Variants in SULF2 observed in about 807,000 individuals in gnomAD.
SULF2 encodes the protein extracellular sulfatase Sulf-2.
In SULF2, 52 loss-of-function variants were observed where a neutral mutation model predicts 107.7. The observed-to-expected ratio is 0.48, with a 90% CI of 0.39 to 0.61. SULF2 has a LOEUF of 0.61. Ranked by LOEUF, SULF2 falls within the 20% of genes least tolerant of loss-of-function variation. The pLI, the probability that SULF2 is intolerant of heterozygous loss-of-function variation, is 0.00. For synonymous variants in SULF2, 460 were observed against 464.3 expected (o/e 0.99, Z 0.12); for missense variants, 993 against 1,177.3 (o/e 0.84, Z 2.29).
intron 1 of SULF2, among the ~76,000 whole-genome samples, chr20:47,775,648 T>C (rs1396143631): frequency 1.3e-5 from 2 of 152,224 alleles, no homozygotes; most frequent in African/African-American, 2.4e-5. Flanking sequence ...CATTCATTCA[T>C]TCCTTTAGTC....
intron 1 of SULF2, among the ~76,000 whole-genome samples, chr20:47,771,457 A>G (rs1265988168): frequency 1.3e-5 from 2 of 152,196 alleles, no homozygotes; most frequent in Non-Finnish European, 2.9e-5. Context: ...TTTAAGTAGA[A>G]AGGAAGCCAC....
rs1235843634 is a variant in SULF2, at chr20:47,678,190, C to T, written c.1193+486G>A. Reference sequence around the variant, plus strand: ...GTTATGGGGCGTGGTGAGTCAGCATCTGAATTCCCAGAGCTACATCCAGAC... The same window carrying T: ...GTTATGGGGCGTGGTGAGTCAGCATTTGAATTCCCAGAGCTACATCCAGAC... On this transcript the variant is annotated intron_variant, in intron 8 of 20. Transcript: ENST00000688720. This position sits in a 1 kb window ranked among gnomAD's most constrained non-coding sequence, Gnocchi z 4.5. 6.4e-6 allele frequency: 1 copy of T among 155,372 alleles called. No individual in the cohort carries two copies. The highest frequency in any genetic ancestry group is 2.4e-5 in the African/African-American group (1 of 41,522). 9.6% of individuals were successfully genotyped at this position (155,372 alleles called of 1,614,324 possible).
At chr20:47,744,601 C>A (rs2089963928) in intron 2 of SULF2, among the ~76,000 whole-genome samples, 1 of 152,002 alleles carries the variant, frequency 6.6e-6, no homozygotes, top group Admixed American at 6.5e-5. Flanking sequence ...CTATAGATGA[C>A]CGAAAAATCT....
chr20:47,660,272 T>C (rs945283857), intron 18 of SULF2, among the ~76,000 whole-genome samples: 7 of 152,230 alleles, frequency 4.6e-5, no homozygotes, highest in African/African-American at 1.7e-4. Flanking sequence ...GACTAATATG[T>C]CATTGCACTT....
At position 47,666,286 on chromosome 20, in the gene SULF2, G is replaced by A. The variant is rs753597018; in HGVS notation, c.1779C>T (p.Ala593=). ...GATGTGTCACTTTAATGGGGTTGGC[G>A]GCTGAGTAGTCGGGAAGGCCTCCAG... The part of the protein sequence containing the change: ...SGTGGLPDYS[A]ANPIKVTHRC... The change falls in exon 12 of 21, where the codon GCC becomes GCT. Residue 593 remains alanine (A), a synonymous_variant. Coordinates refer to ENST00000688720, the MANE Select transcript of SULF2 (RefSeq NM_001387048.1). This position sits in a 1 kb window ranked among gnomAD's most constrained non-coding sequence, Gnocchi z 5.4. 9.3e-6 allele frequency: 15 copies of A among 1,614,004 alleles called. No individual in the cohort carries two copies. Among genetic ancestry groups the A allele is most frequent in the South Asian group, 6.6e-5 (6 of 91,086 alleles).
chr20:47,772,898 G>C (rs1170833976), intron 1 of SULF2, among the ~76,000 whole-genome samples: 3 of 140,458 alleles, frequency 2.1e-5, no homozygotes, highest in Non-Finnish European at 4.5e-5. Context: ...TTTGGAGAGA[G>C]ATATGTTTGC....
chr20:47,770,052 AGTTTTTT>A (rs1413048567), intron 1 of SULF2, among the ~76,000 whole-genome samples: 19 of 90,208 alleles, frequency 2.1e-4, no homozygotes, highest in African/African-American at 9.8e-4. Flanking sequence ...GATCTGGTGT[AGTTTTTT>A]TTTTTTTTTT....
intron 2 of SULF2, among the ~76,000 whole-genome samples, chr20:47,749,929 T>C (rs930994087): frequency 3.3e-5 from 5 of 152,216 alleles, no homozygotes; most frequent in Non-Finnish European, 7.3e-5. Flanking sequence ...ACAGTTCCTG[T>C]TGGCTTTTCA....
At position 47,696,545 on chromosome 20, in the gene SULF2, C is replaced by A. The variant is rs551038440; in HGVS notation, c.567+5974G>T. ...ATACTGTACATATTCATTTATCTAT[C>A]TGACAAATACAGCAGTGAACAAAAC... is the stretch of plus-strand genomic sequence containing the variant. On this transcript the variant is annotated intron_variant, in intron 4 of 20. Coordinates refer to ENST00000688720, the MANE Select transcript of SULF2 (RefSeq NM_001387048.1). 1.9e-4 allele frequency among the ~76,000 whole-genome samples: 29 copies of A among 152,240 alleles called. 1 individual carries two copies. The South Asian group carries it at 5.8e-3, about 30-fold the overall frequency.
intron 2 of SULF2, among the ~76,000 whole-genome samples, chr20:47,746,585 G>C (rs1308791832): frequency 6.6e-6 from 1 of 152,178 alleles, no homozygotes; most frequent in Non-Finnish European, 1.5e-5. Context: ...CCCCAGAATA[G>C]CTCTGTCTCC....
chr20:47,667,495 ATCC>A (rs1184969350), intron 11 of SULF2, among the ~76,000 whole-genome samples: 236 of 152,218 alleles, frequency 1.6e-3, no homozygotes, highest in African/African-American at 5.2e-3. Flanking sequence ...TGATGTAGGG[ATCC>A]AGATTTCCAG....
chr20:47,717,922 C>A (rs369917682), intron 3 of SULF2, among the ~76,000 whole-genome samples: 1 of 151,044 alleles, frequency 6.6e-6, no homozygotes, highest in East Asian at 2.0e-4. Context: ...TCAAGCGATT[C>A]TCCTGCCTCA....
At chr20:47,738,964 C>T (rs985501140) in intron 2 of SULF2, among the ~76,000 whole-genome samples, 7 of 152,156 alleles carry the variant, frequency 4.6e-5, no homozygotes, top group African/African-American at 1.2e-4. Flanking sequence ...GTGGAGAAGA[C>T]GCACAGGCAC....
chr20:47,661,891 C>A lies in SULF2; in HGVS notation c.2376G>T (p.Met792Ile). Residue 792 changes from methionine to isoleucine, a missense_variant, in exon 18 of 21, where the codon ATG (methionine) becomes ATT (isoleucine). Transcript: ENST00000688720. ...FDLNTDPYQL[M>I]NAVNTLDRDV... ...CCCTGTCCAGTGTGTTCACTGCATTCATCAGCTGGTTGCAAAAAAGGTAGT... is the reference window on the plus strand; with the variant it reads ...CCCTGTCCAGTGTGTTCACTGCATTAATCAGCTGGTTGCAAAAAAGGTAGT... 6.4e-7 allele frequency: 1 copy of A among 1,553,926 alleles called. No homozygotes were observed. Among genetic ancestry groups the A allele is most frequent in the South Asian group, 1.2e-5 (1 of 83,652 alleles).
chr20:47,705,723 G>A (rs1405584451), intron 3 of SULF2, among the ~76,000 whole-genome samples: 2 of 152,082 alleles, frequency 1.3e-5, no homozygotes, highest in African/African-American at 2.4e-5. Context: ...GCCGACGCAC[G>A]TGACAGCCCC....
rs375235003 is a variant in SULF2, at chr20:47,744,100, G to A, written c.176-7158C>T. On this transcript the variant is annotated intron_variant, in intron 2 of 20. Coordinates refer to ENST00000688720, the MANE Select transcript of SULF2 (RefSeq NM_001387048.1). ...TTAGGGGACATGCAGGTGCCTTTGGGGTGAGTGGGGTACACGGTGGGTGGG... is the reference window on the plus strand; with the variant it reads ...TTAGGGGACATGCAGGTGCCTTTGGAGTGAGTGGGGTACACGGTGGGTGGG... Among the ~76,000 whole-genome samples, 32 of 152,286 alleles carry A rather than the reference G, an allele frequency of 2.1e-4. No individual in the cohort carries two copies. The East Asian group carries it at 3.1e-3, about 15-fold the overall frequency.
chr20:47,691,667 C>A (rs569401751), intron 4 of SULF2, among the ~76,000 whole-genome samples: 1 of 152,212 alleles, frequency 6.6e-6, no homozygotes, highest in East Asian at 1.9e-4. Context: ...TGGCAACTGG[C>A]TCCTTGGAAA....
intron 2 of SULF2, among the ~76,000 whole-genome samples, chr20:47,745,438 TATATATATATATATATATACACATAC>T (rs1568892833): frequency 0.1 from 1,097 of 10,672 alleles, 141 homozygotes; most frequent in African/African-American, 0.28. Context: ...TATATATATA[TATATATATATATATATATACACATAC>T]ACACACACTT....
chr20:47,768,687 G>A (rs907303036), intron 1 of SULF2, among the ~76,000 whole-genome samples: 1 of 152,230 alleles, frequency 6.6e-6, no homozygotes. Context: ...AGGAACGTGG[G>A]TGTGGGAATC....
Sources: allele counts gnomAD v4.1 joint callset (sites outside exome capture counted in the v4.1 genomes callset), GRCh38; gene constraint gnomAD v4.1.1; non-coding constraint Gnocchi (gnomAD v3.1); transcripts MANE v1.5; gene names NCBI Gene and HGNC (gene_info 2026-07-23, HGNC 2026-07-21).